EYS: variants seen among roughly 807,000 people sequenced by gnomAD.
The protein encoded by EYS is EGF-like photoreceptor maintenance factor, also known as protein eyes shut homolog.
Under a neutral mutation model 282.1 loss-of-function variants are expected in EYS, and 250 were observed. The ratio of observed to expected loss-of-function variants is 0.89; its 90% CI spans 0.80 to 0.98. The LOEUF (loss-of-function observed/expected upper bound fraction) is 0.98, where lower values mean the gene tolerates loss of function less well. EYS is among the 50% of genes least tolerant of loss of function. The probability of loss-of-function intolerance (pLI) is 0.00; values close to 1 mark genes in which losing one functional copy is unlikely to be tolerated. For missense variants in EYS, 4,016 were observed against 3,709.0 expected (o/e 1.08, Z -2.15); for synonymous variants, 1,355 against 1,282.9 (o/e 1.06, Z -1.20).
At chr6:65,148,331 A>C (rs1764528647) in intron 12 of EYS, among the ~76,000 whole-genome samples, 1 of 152,132 alleles carries the variant, frequency 6.6e-6, no homozygotes, top group Non-Finnish European at 1.5e-5. Flanking sequence ...AAATGGGAGA[A>C]ACTAGCCAAA....
intron 12 of EYS, among the ~76,000 whole-genome samples, chr6:65,280,354 G>A (rs1215704460): frequency 1.3e-5 from 2 of 152,052 alleles, no homozygotes; most frequent in Non-Finnish European, 2.9e-5. Context: ...ACAAATGTCT[G>A]TATCAGACAT....
At chr6:64,527,475 C>T (rs1777961392) in intron 26 of EYS, among the ~76,000 whole-genome samples, 2 of 151,796 alleles carry the variant, frequency 1.3e-5, no homozygotes, top group South Asian at 4.1e-4. Context: ...ATTCTTATTT[C>T]TCTGACCATA....
At chr6:65,642,416 A>G (rs545779996) in intron 1 of EYS, among the ~76,000 whole-genome samples, 1 of 152,144 alleles carries the variant, frequency 6.6e-6, no homozygotes, top group African/African-American at 2.4e-5. Flanking sequence ...TGTTTGTTTC[A>G]GTCAACGGGG....
chr6:64,202,649 A>C (rs1306209123), intron 31 of EYS, among the ~76,000 whole-genome samples: 1 of 152,176 alleles, frequency 6.6e-6, no homozygotes, highest in Non-Finnish European at 1.5e-5. Context: ...CAGAAAATGT[A>C]ATCTTGTTTG....
chr6:64,836,004 A>T (rs1765371476), intron 19 of EYS, among the ~76,000 whole-genome samples: 1 of 151,624 alleles, frequency 6.6e-6, no homozygotes, highest in Admixed American at 6.6e-5. Context: ...TTTTTATTGT[A>T]AAAACATATT....
At chr6:64,730,984 C>A (rs1036812154) in intron 22 of EYS, 6 of 152,298 alleles carry the variant, frequency 3.9e-5, no homozygotes, top group Middle Eastern at 3.4e-3. Flanking sequence ...AGGGCAACTA[C>A]AGTTTCATCT....
chr6:65,382,761 G>A (rs971267250), intron 8 of EYS, among the ~76,000 whole-genome samples: 3 of 151,936 alleles, frequency 2.0e-5, no homozygotes, highest in Admixed American at 2.0e-4. Flanking sequence ...GGCTAAGCCT[G>A]TCTAGCCTAT....
At chr6:65,256,046 C>G (rs1767450992) in intron 12 of EYS, among the ~76,000 whole-genome samples, 1 of 152,054 alleles carries the variant, frequency 6.6e-6, no homozygotes, top group Non-Finnish European at 1.5e-5. Context: ...TATCTGCATT[C>G]CCGTGCTGCT....
At chr6:64,147,268 C>G (rs565752366) in intron 31 of EYS, among the ~76,000 whole-genome samples, 2 of 152,202 alleles carry the variant, frequency 1.3e-5, no homozygotes, top group African/African-American at 4.8e-5. Flanking sequence ...GAACAAATCA[C>G]TAATTCACAT....
intron 2 of EYS, among the ~76,000 whole-genome samples, chr6:65,519,708 A>ATATATATTTT (rs1554205854): frequency 2.3e-5 from 1 of 42,564 alleles, no homozygotes; most frequent in African/African-American, 1.3e-4. Flanking sequence ...ATATATATAT[A>ATATATATTTT]TTTTTTTTTT....
chr6:64,807,548 A>G (rs4434453), intron 22 of EYS, among the ~76,000 whole-genome samples: 72,994 of 151,918 alleles, frequency 0.48, 18,249 homozygotes, highest in Admixed American at 0.64. Flanking sequence ...GGGAATGGCA[A>G]AGACTTTGAA....
chr6:64,107,033 T>C (rs1773037750), intron 31 of EYS, among the ~76,000 whole-genome samples: 1 of 151,454 alleles, frequency 6.6e-6, no homozygotes, highest in Non-Finnish European at 1.5e-5. Context: ...CTTAGAATTT[T>C]CATCTCTCTG....
intron 12 of EYS, among the ~76,000 whole-genome samples, chr6:65,170,579 T>G (rs1765082361): frequency 6.6e-6 from 1 of 151,600 alleles, no homozygotes; most frequent in African/African-American, 2.4e-5. Flanking sequence ...ACTACTAAAC[T>G]TATTGGTACA....
chr6:63,906,074 A>C (rs1443539438), intron 35 of EYS, among the ~76,000 whole-genome samples: 1 of 152,224 alleles, frequency 6.6e-6, no homozygotes, highest in Non-Finnish European at 1.5e-5. Flanking sequence ...TAGTTTGCTA[A>C]TGTTGTCACT....
intron 22 of EYS, among the ~76,000 whole-genome samples, chr6:64,730,602 C>T (rs945319281): frequency 6.6e-6 from 1 of 152,096 alleles, no homozygotes; most frequent in African/African-American, 2.4e-5. Flanking sequence ...CCTCAGCCTC[C>T]GAGTAGCTAG....
At chr6:64,255,175 CA>C (rs1183205010) in intron 30 of EYS, among the ~76,000 whole-genome samples, 4 of 151,886 alleles carry the variant, frequency 2.6e-5, no homozygotes, top group Non-Finnish European at 4.4e-5. Context: ...GAAGCTGAGG[CA>C]AAAAACAGCC....
At chr6:63,838,205 C>A (rs1771857535) in intron 36 of EYS, among the ~76,000 whole-genome samples, 1 of 151,506 alleles carries the variant, frequency 6.6e-6, no homozygotes, top group African/African-American at 2.4e-5. Flanking sequence ...TTGCTTCCAA[C>A]TGTGTTTCTT....
At chr6:64,113,079 TAAAC>T (rs1265137042) in intron 31 of EYS, among the ~76,000 whole-genome samples, 1 of 152,122 alleles carries the variant, frequency 6.6e-6, no homozygotes, top group Non-Finnish European at 1.5e-5. Context: ...TACCAGTTGA[TAAAC>T]AAAAAGTTTA....
rs9453342 is a variant in EYS, at chr6:65,608,235, G to A, written c.-333+31543C>T. On this transcript the variant is annotated intron_variant, in intron 2 of 42. Transcript: ENST00000503581. ...CTCCTAGGCTACAAACCTGTATGAG[G>A]TACTACTGTACAGAATACTGGAGAC... Among the ~76,000 whole-genome samples the A allele has an allele frequency of 5.5e-4, 84 of 152,040 alleles. 1 individual carries two copies. The highest frequency in any genetic ancestry group is 1.9e-3 in the African/African-American group (78 of 41,488).
Sources: gnomAD v4.1 joint callset for allele counts (sites outside exome capture counted in the v4.1 genomes callset) on GRCh38, gnomAD v4.1.1 for gene constraint, MANE v1.5 for transcripts, NCBI Gene and HGNC (gene_info 2026-07-23, HGNC 2026-07-21) for gene names.